Variants in CADPS2 observed in about 807,000 individuals in gnomAD.
CADPS2 encodes the protein calcium dependent secretion activator 2.
In CADPS2, 93 loss-of-function variants were observed where a neutral mutation model predicts 172.5. That is an observed-to-expected ratio of 0.54 (90% CI 0.46 to 0.64). The LOEUF (loss-of-function observed/expected upper bound fraction) is 0.64. Among genes scored for constraint, CADPS2 ranks in the 30% least tolerant of loss-of-function variants. CADPS2 has a pLI of 0.00. For synonymous variants in CADPS2, 546 were observed against 555.2 expected, an observed-to-expected ratio of 0.98 and a Z score of 0.23; for missense variants, 1,420 against 1,565.9, an observed-to-expected ratio of 0.91 and a Z score of 1.57.
chr7:122,580,973 A>G (rs1305266645), intron 7 of CADPS2, among the ~76,000 whole-genome samples: 2 of 152,192 alleles, frequency 1.3e-5, no homozygotes, highest in Non-Finnish European at 2.9e-5. Flanking sequence ...CCCTTACACA[A>G]CCAAATCCTA....
chr7:122,366,606 A>C, intron 25 of CADPS2, among the ~76,000 whole-genome samples: 1 of 108,008 alleles, frequency 9.3e-6, no homozygotes, highest in Non-Finnish European at 1.8e-5. Flanking sequence ...CTCCATCTCA[A>C]AAATACACAC....
intron 5 of CADPS2, among the ~76,000 whole-genome samples, chr7:122,619,459 CAA>C (rs113157386): frequency 4.5e-4 from 43 of 95,328 alleles, no homozygotes; most frequent in African/African-American, 7.4e-4. Context: ...CTAAAAAATA[CAA>C]AAAAAAAAAA....
chr7:122,553,752 T>C (rs1414425819), intron 8 of CADPS2, among the ~76,000 whole-genome samples: 1 of 152,164 alleles, frequency 6.6e-6, no homozygotes, highest in Non-Finnish European at 1.5e-5. Flanking sequence ...GACCTCTATG[T>C]CTGTTGCTAC....
intron 14 of CADPS2, 37 bp from the exon 15 acceptor site, chr7:122,451,512 C>G (rs3764810): frequency 0.29 from 341,125 of 1,171,412 alleles, 50,918 homozygotes; most frequent in East Asian, 0.4. Flanking sequence ...TCATATTGAT[C>G]GAACATTTAC....
At chr7:122,589,432 C>T (rs2070370505) in intron 6 of CADPS2, among the ~76,000 whole-genome samples, 1 of 151,722 alleles carries the variant, frequency 6.6e-6, no homozygotes, top group East Asian at 1.9e-4. Context: ...TTAATATAAG[C>T]AATTAAGGCA....
At chr7:122,700,766 G>A (rs2085921793) in intron 2 of CADPS2, among the ~76,000 whole-genome samples, 1 of 152,044 alleles carries the variant, frequency 6.6e-6, no homozygotes, top group African/African-American at 2.4e-5. Flanking sequence ...ATTTACTAAG[G>A]ACACTTCTAG....
At chr7:122,452,162 G>A (rs2053199179) in intron 14 of CADPS2, among the ~76,000 whole-genome samples, 1 of 152,112 alleles carries the variant, frequency 6.6e-6, no homozygotes, top group South Asian at 2.1e-4. Context: ...GATTAAAAAT[G>A]TAAAATATAT....
chr7:122,344,556 T>C (rs760900047), intron 28 of CADPS2, among the ~76,000 whole-genome samples: 1 of 152,234 alleles, frequency 6.6e-6, no homozygotes, highest in African/African-American at 2.4e-5. Flanking sequence ...TAATACTGCA[T>C]ATTTTAGCAC....
chr7:122,568,571 A>AT, intron 7 of CADPS2, among the ~76,000 whole-genome samples: 2 of 152,268 alleles, frequency 1.3e-5, no homozygotes, highest in Middle Eastern at 3.4e-3. Flanking sequence ...TAGATAATTG[A>AT]TTTTTCACAA....
chr7:122,837,650 C>T (rs1392232885), intron 1 of CADPS2, among the ~76,000 whole-genome samples: 2 of 152,166 alleles, frequency 1.3e-5, no homozygotes, highest in Non-Finnish European at 2.9e-5. Context: ...ACTATAAACA[C>T]CTCTATGCAA....
At chr7:122,386,767 T>C (rs1406565154) in intron 24 of CADPS2, among the ~76,000 whole-genome samples, 1 of 152,094 alleles carries the variant, frequency 6.6e-6, no homozygotes, top group East Asian at 1.9e-4. Flanking sequence ...TTTATGTAAA[T>C]GACACAACAC....
chr7:122,454,066 A>G (rs1371850319), intron 14 of CADPS2, among the ~76,000 whole-genome samples: 1 of 152,224 alleles, frequency 6.6e-6, no homozygotes, highest in Middle Eastern at 3.2e-3. Context: ...TATTGGTAAT[A>G]AATGGTAACT....
At chr7:122,716,268 C>T (rs1048679342) in intron 2 of CADPS2, among the ~76,000 whole-genome samples, 8 of 152,156 alleles carry the variant, frequency 5.3e-5, no homozygotes, top group African/African-American at 1.9e-4. Context: ...TGCCTCGGAC[C>T]TTACTGGGGT....
intron 2 of CADPS2, among the ~76,000 whole-genome samples, chr7:122,711,911 A>G (rs1339763999): frequency 6.6e-6 from 1 of 152,100 alleles, no homozygotes; most frequent in East Asian, 1.9e-4. Context: ...TCAGCCTCTC[A>G]AAGTGCTGGG....
intron 1 of CADPS2, among the ~76,000 whole-genome samples, chr7:122,866,003 T>C (rs987431904): frequency 1.3e-5 from 2 of 152,234 alleles, no homozygotes; most frequent in Non-Finnish European, 2.9e-5. Context: ...TGGAAGTATT[T>C]TCCCAAAGAA....
At chr7:122,413,042 C>A (rs972659205) in intron 19 of CADPS2, 1 of 152,352 alleles carries the variant, frequency 6.6e-6, no homozygotes, top group African/African-American at 2.4e-5. Flanking sequence ...TGGAGCCTGG[C>A]CTGAGTCTTC....
intron 6 of CADPS2, among the ~76,000 whole-genome samples, chr7:122,583,058 T>A (rs1269227408): frequency 2.0e-5 from 3 of 151,384 alleles, no homozygotes; most frequent in Non-Finnish European, 2.9e-5. Context: ...CTGGATAGAA[T>A]AAGACAAATA....
chr7:122,542,382 T>C (rs762740869), intron 8 of CADPS2, among the ~76,000 whole-genome samples: 3 of 152,142 alleles, frequency 2.0e-5, no homozygotes, highest in Non-Finnish European at 2.9e-5. Context: ...TCAGATATGA[T>C]AGTAAGTCAA....
chr7:122,558,575 T>C (rs2065320740), intron 7 of CADPS2, among the ~76,000 whole-genome samples: 1 of 152,176 alleles, frequency 6.6e-6, no homozygotes, highest in African/African-American at 2.4e-5. Flanking sequence ...TCACTTGTCA[T>C]CTTTGCTAAG....
Sources: gnomAD v4.1 joint callset for allele counts (sites outside exome capture counted in the v4.1 genomes callset) on GRCh38, gnomAD v4.1.1 for gene constraint, MANE v1.5 for transcripts, NCBI Gene and HGNC (gene_info 2026-07-23, HGNC 2026-07-21) for gene names.